Variants in UFL1 observed in about 807,000 individuals in gnomAD.
UFL1 encodes the protein E3 UFM1-protein ligase 1.
In UFL1, 78 loss-of-function variants were observed where a neutral mutation model predicts 99.3. That is an observed-to-expected ratio of 0.79 (90% CI 0.65 to 0.95). UFL1 has a LOEUF of 0.95. UFL1 is among the 40% of genes least tolerant of loss of function. The pLI is 0.00. For synonymous variants in UFL1, 335 were observed against 322.2 expected, an observed-to-expected ratio of 1.04 and a Z score of -0.42; for missense variants, 936 against 937.0, an observed-to-expected ratio of 1.00 and a Z score of 0.01.
Position 96,544,066 on chromosome 6 carries a change from C to T in UFL1, c.1402+1050C>T, listed in dbSNP as rs138832329. On this transcript the variant is annotated intron_variant, in intron 12 of 18. Transcript: ENST00000369278. Reference sequence around the variant, plus strand: ...GAAAGCTTTGCATGGTTTCACCTTACCATGATCATTTTTATGGTCTTCCAC... The same window carrying T: ...GAAAGCTTTGCATGGTTTCACCTTATCATGATCATTTTTATGGTCTTCCAC... 3.4e-3 allele frequency among the ~76,000 whole-genome samples: 520 copies of T among 151,104 alleles called. 5 individuals carry two copies. Among genetic ancestry groups the T allele is most frequent in the Non-Finnish European group, 4.9e-3 (331 of 67,288 alleles).
intron 5 of UFL1, 60 bp downstream of exon 5, chr6:96,526,495 T>G (rs1769704726): frequency 2.2e-6 from 3 of 1,380,852 alleles, no homozygotes; most frequent in Non-Finnish European, 2.0e-6. Flanking sequence ...AACGAAGACT[T>G]TGAATGGAAG....
chr6:96,524,507 T>A, intron 3 of UFL1, 97 bp downstream of exon 3: 1 of 929,756 alleles, frequency 1.1e-6, no homozygotes, highest in Non-Finnish European at 1.6e-6. Flanking sequence ...TCATATTTTG[T>A]GTAGTGTTTA....
intron 7 of UFL1, 107 bp from the exon 8 acceptor site, chr6:96,536,137 G>C (rs1769849252): frequency 8.6e-7 from 1 of 1,167,736 alleles, no homozygotes; most frequent in African/African-American, 1.6e-5. Context: ...CTTCAGATTG[G>C]TTTTTTAAAG....
intron 17 of UFL1, 22 bp from the exon 18 acceptor site, chr6:96,552,460 G>C: frequency 1.3e-6 from 2 of 1,500,328 alleles, no homozygotes; most frequent in Non-Finnish European, 1.8e-6. Flanking sequence ...TAATGAATTT[G>C]TGTGCTTTTT....
chr6:96,528,397 A>T, intron 5 of UFL1, 105 bp from the exon 6 acceptor site: 2 of 1,340,430 alleles, frequency 1.5e-6, no homozygotes, highest in Non-Finnish European at 2.0e-6. Flanking sequence ...TCTCAATCAC[A>T]TGACTGATAC....
chr6:96,527,485 G>A (rs1221100441), intron 5 of UFL1, among the ~76,000 whole-genome samples: 1 of 151,876 alleles, frequency 6.6e-6, no homozygotes, highest in Non-Finnish European at 1.5e-5. Context: ...AACCGTAATT[G>A]CATGAGATTA....
At chr6:96,538,356 CTA>C (rs1317225966) in intron 9 of UFL1, among the ~76,000 whole-genome samples, 1 of 151,686 alleles carries the variant, frequency 6.6e-6, no homozygotes, top group African/African-American at 2.4e-5. Flanking sequence ...GAAAAACGAA[CTA>C]TGTGTGCCTT....
intron 12 of UFL1, among the ~76,000 whole-genome samples, chr6:96,545,997 G>A (rs894076581): frequency 1.3e-4 from 19 of 151,016 alleles, no homozygotes; most frequent in Non-Finnish European, 4.5e-5. Flanking sequence ...CCTATTCAAC[G>A]TAGTACTAGA....
At chr6:96,534,589 A>G (rs571862332) in intron 7 of UFL1, among the ~76,000 whole-genome samples, 2 of 151,974 alleles carry the variant, frequency 1.3e-5, no homozygotes, top group Admixed American at 6.6e-5. Context: ...ACTCTATTAT[A>G]CATGTACATA....
chr6:96,546,000 G>A (rs1021083136), intron 12 of UFL1, among the ~76,000 whole-genome samples: 4 of 151,130 alleles, frequency 2.6e-5, no homozygotes, highest in Non-Finnish European at 5.9e-5. Context: ...ATTCAACGTA[G>A]TACTAGAAAT....
At chr6:96,553,198 C>T in intron 18 of UFL1, 87 bp from the exon 19 acceptor site, 1 of 1,269,346 alleles carries the variant, frequency 7.9e-7, no homozygotes, top group Non-Finnish European at 1.1e-6. Context: ...TGAGGACCTT[C>T]AATGTGTATT....
At chr6:96,548,114 G>C in intron 12 of UFL1, 50 bp from the exon 13 acceptor site, 1 of 1,248,288 alleles carries the variant, frequency 8.0e-7, no homozygotes, top group Non-Finnish European at 1.1e-6. Context: ...CCATTTGGTT[G>C]CATGTTTTTT....
At position 96,542,997 on chromosome 6, in the gene UFL1, A is replaced by G; in HGVS notation, c.1383A>G (p.Glu461=). The G allele has an allele frequency of 6.3e-7, 1 of 1,596,718 alleles. No individual in the cohort carries two copies. Among genetic ancestry groups the G allele is most frequent in the Non-Finnish European group, 8.5e-7 (1 of 1,171,152 alleles). The change falls in exon 12 of 19, where the codon GAA becomes GAG. Residue 461 remains glutamate (E), a synonymous_variant. Coordinates refer to ENST00000369278, the MANE Select transcript of UFL1 (RefSeq NM_015323.5). The part of the protein sequence containing the change: ...KGRKDDDSDD[E]SQSSHTGKKK... ...GAAAAGATGATGATAGTGATGATGA[A>G]TCTCAATCATCCCACACTGGTAGGT...
chr6:96,525,308 G>A lies in UFL1; in HGVS notation c.264G>A (p.Val88=), dbSNP rs748682897. The change falls in exon 4 of 19, where the codon GTG becomes GTA. Residue 88 remains valine, a synonymous_variant. Coordinates refer to ENST00000369278, the MANE Select transcript of UFL1 (RefSeq NM_015323.5). ...TATTTGTTTTCCAGGTAATTAATGT[G>A]GACCTGATTCATATTGAAAATAGAA... ...NIVDLQQVIN[V]DLIHIENRIG... 1.2e-6 allele frequency: 2 copies of A among 1,601,222 alleles called. No homozygotes were observed. The highest frequency in any genetic ancestry group is 1.1e-5 in the South Asian group (1 of 88,750).
chr6:96,551,525 T>G lies in UFL1; in HGVS notation c.1899+12T>G. ...CTCTGAATGAAAAGGTAAGTAAAGTTTTATTCTATTTACATGTCAGGGCTA... is the reference window on the plus strand; with the variant it reads ...CTCTGAATGAAAAGGTAAGTAAAGTGTTATTCTATTTACATGTCAGGGCTA... On this transcript the variant is annotated intron_variant, in intron 16 of 18. Transcript: ENST00000369278. 6.8e-7 allele frequency: 1 copy of G among 1,467,520 alleles called. No homozygotes were observed. Among genetic ancestry groups the G allele is most frequent in the African/African-American group, 1.5e-5 (1 of 68,260 alleles). The allele number at this position is 1,467,520 out of a possible 1,614,324, so 90.9% of individuals were successfully genotyped here. A position where few individuals can be genotyped will look rare whatever the true frequency, so the allele number is the denominator to read the frequency against.
At chr6:96,542,460 T>G (rs868402964) in intron 11 of UFL1, among the ~76,000 whole-genome samples, 20 of 151,296 alleles carry the variant, frequency 1.3e-4, no homozygotes, top group African/African-American at 4.6e-4. Flanking sequence ...GAAGGCAAAA[T>G]AAGAATAATT....
intron 5 of UFL1, among the ~76,000 whole-genome samples, chr6:96,527,604 G>A (rs1769721909): frequency 6.6e-6 from 1 of 152,138 alleles, no homozygotes; most frequent in Non-Finnish European, 1.5e-5. Flanking sequence ...TATTTCAGGA[G>A]CTGAAATTAT....
In UFL1 at chr6:96,553,799, C is replaced by A. The variant is rs1425758717; in HGVS notation, c.*296C>A. On this transcript the variant is annotated 3_prime_UTR_variant, in exon 19 of 19. Coordinates refer to ENST00000369278, the MANE Select transcript of UFL1 (RefSeq NM_015323.5). Reference sequence around the variant, plus strand: ...AAAAATTACATATTTCAGGTTTGTTCTCTTTCCAAATGTTGAATGAAAAAC... The same window carrying A: ...AAAAATTACATATTTCAGGTTTGTTATCTTTCCAAATGTTGAATGAAAAAC... 4 of 255,416 alleles carry A rather than the reference C, an allele frequency of 1.6e-5. No homozygotes were observed. Among genetic ancestry groups the A allele is most frequent in the African/African-American group, 8.8e-5 (4 of 45,242 alleles). The allele number at this position is 255,416 out of a possible 1,614,324, so 15.8% of individuals were successfully genotyped here.
At chr6:96,542,431 G>GTAA (rs1313299189) in intron 11 of UFL1, among the ~76,000 whole-genome samples, 1 of 151,250 alleles carries the variant, frequency 6.6e-6, no homozygotes, top group Non-Finnish European at 1.5e-5. Flanking sequence ...CTAAAAACAG[G>GTAA]TAATAATCTT....
Sources: allele counts gnomAD v4.1 joint callset (sites outside exome capture counted in the v4.1 genomes callset), GRCh38; gene constraint gnomAD v4.1.1; transcripts MANE v1.5; gene names NCBI Gene and HGNC (gene_info 2026-07-23, HGNC 2026-07-21).